PCDH10: variants seen among roughly 807,000 people sequenced by gnomAD.
PCDH10 encodes protocadherin 10.
PCDH10 carries 15 observed loss-of-function variants against 74.4 expected under a neutral mutation model. The ratio of observed to expected loss-of-function variants is 0.20; its 90% CI spans 0.13 to 0.31. The LOEUF (loss-of-function observed/expected upper bound fraction) is 0.31, where lower values mean the gene tolerates loss of function less well. Ranked by LOEUF, PCDH10 falls within the 10% of genes least tolerant of loss-of-function variation. The pLI, the probability that PCDH10 is intolerant of heterozygous loss-of-function variation, is 1.00. For synonymous variants in PCDH10, 619 were observed against 589.8 expected (o/e 1.05, Z -0.72); for missense variants, 1,260 against 1,390.2 (o/e 0.91, Z 1.49).
At chr4:133,188,273 T>C (rs1476746439) in intron 4 of PCDH10, among the ~76,000 whole-genome samples, 2 of 152,170 alleles carry the variant, frequency 1.3e-5, no homozygotes, top group Non-Finnish European at 2.9e-5. Context: ...CCGTAATGAT[T>C]TGCTCTGATT....
At chr4:133,202,081 T>C (rs1727919209) in intron 2 of PCDH10, among the ~76,000 whole-genome samples, 1 of 152,046 alleles carries the variant, frequency 6.6e-6, no homozygotes, top group Non-Finnish European at 1.5e-5. Context: ...TTGTGATAAG[T>C]AGATTGCTAT....
At chr4:133,160,891 A>C (rs1482614244) in intron 3 of PCDH10, among the ~76,000 whole-genome samples, 1 of 151,922 alleles carries the variant, frequency 6.6e-6, no homozygotes, top group Non-Finnish European at 1.5e-5. Flanking sequence ...TCTACTATTA[A>C]AAAAATCTAT....
At chr4:133,183,225 A>G (rs1054907058) in intron 4 of PCDH10, among the ~76,000 whole-genome samples, 2 of 152,222 alleles carry the variant, frequency 1.3e-5, no homozygotes, top group South Asian at 2.1e-4. Flanking sequence ...AACTTCATCT[A>G]TTCTCTTAAT....
At chr4:133,168,289 T>A (rs992726843) in intron 4 of PCDH10, among the ~76,000 whole-genome samples, 3 of 151,442 alleles carry the variant, frequency 2.0e-5, no homozygotes, top group Admixed American at 1.3e-4. Context: ...GTCACTTCTG[T>A]AAGCAATTTT....
Position 133,151,796 on chromosome 4 carries a change from G to A in PCDH10, c.1656G>A (p.Gln552=). 1 of 1,613,094 alleles carries A rather than the reference G, an allele frequency of 6.2e-7. No homozygotes were observed. Among genetic ancestry groups the A allele is most frequent in the Non-Finnish European group, 8.5e-7 (1 of 1,180,056 alleles). Reference sequence around the variant, plus strand: ...AAGCCCGGGACGCTGGCAGCCCCCAGGCGCTGGCTGGTAACGCCACTGTCA... The same window carrying A: ...AAGCCCGGGACGCTGGCAGCCCCCAAGCGCTGGCTGGTAACGCCACTGTCA... ...QVEARDAGSP[Q]ALAGNATVNI... The change falls in exon 1 of 5, where the codon CAG becomes CAA. Residue 552 remains glutamine, a synonymous_variant. Coordinates refer to ENST00000264360, the MANE Select transcript of PCDH10 (RefSeq NM_032961.3).
intron 4 of PCDH10, among the ~76,000 whole-genome samples, chr4:133,174,477 C>G (rs2125867653): frequency 6.6e-6 from 1 of 151,792 alleles, no homozygotes; most frequent in Admixed American, 6.6e-5. Context: ...TACTGAGTGT[C>G]CATTTTATAG....
chr4:133,158,615 A>G (rs1314613446), intron 3 of PCDH10, among the ~76,000 whole-genome samples: 4 of 152,182 alleles, frequency 2.6e-5, no homozygotes, highest in Non-Finnish European at 2.9e-5. Context: ...ATAATTTCAA[A>G]TTAGTAGATA....
intron 4 of PCDH10, among the ~76,000 whole-genome samples, chr4:133,186,188 A>C (rs992883939): frequency 6.6e-6 from 1 of 152,154 alleles, no homozygotes; most frequent in Admixed American, 6.6e-5. Flanking sequence ...AGTTATCAGA[A>C]GGTAGATACT....
chr4:133,153,069 G>T, intron 1 of PCDH10: 2 of 1,359,406 alleles, frequency 1.5e-6, no homozygotes, highest in East Asian at 2.8e-5. Flanking sequence ...AGTAACCTGG[G>T]CATGAAGGGA....
At chr4:133,205,409 A>G (rs1455352240) in intron 2 of PCDH10, among the ~76,000 whole-genome samples, 1 of 152,142 alleles carries the variant, frequency 6.6e-6, no homozygotes, top group African/African-American at 2.4e-5. Flanking sequence ...AACTTTTCAT[A>G]AACACAGGAT....
Position 133,163,048 on chromosome 4 carries a change from T to C in PCDH10, c.2869T>C (p.Ser957Pro). 6.2e-7 allele frequency: 1 copy of C among 1,614,180 alleles called. No homozygotes were observed. The highest frequency in any genetic ancestry group is 8.5e-7 in the Non-Finnish European group (1 of 1,180,012). ...LGHSDRCWMPSFVPSDGRQAA... is the reference protein window; with the variant it reads ...LGHSDRCWMPPFVPSDGRQAA... ...CCACTCAGATCGGTGCTGGATGCCT[T>C]CTTTTGTCCCTTCTGATGGACGCCA... Residue 957 changes from serine to proline, a missense_variant, in exon 4 of 5, where the codon TCT becomes CCT. By Grantham distance (74) the Ser-to-Pro change is moderately conservative. Coordinates refer to ENST00000264360, the MANE Select transcript of PCDH10 (RefSeq NM_032961.3).
At chr4:133,165,629 G>GT (rs202005515) in intron 4 of PCDH10, among the ~76,000 whole-genome samples, 3 of 138,658 alleles carry the variant, frequency 2.2e-5, no homozygotes, top group East Asian at 3.6e-4. Flanking sequence ...AAGTTGTAGA[G>GT]TTTTTTTGCT....
chr4:133,159,617 A>G (rs1448136356), intron 3 of PCDH10, among the ~76,000 whole-genome samples: 1 of 151,984 alleles, frequency 6.6e-6, no homozygotes, highest in Admixed American at 6.6e-5. Context: ...TGGTTACACT[A>G]AAAATCCAGA....
At chr4:133,174,648 G>A (rs987834397) in intron 4 of PCDH10, among the ~76,000 whole-genome samples, 16 of 150,850 alleles carry the variant, frequency 1.1e-4, no homozygotes, top group East Asian at 5.8e-4. Flanking sequence ...ATAAATATAC[G>A]TAATTTTATA....
chr4:133,160,906 C>T (rs1257250051), intron 3 of PCDH10, among the ~76,000 whole-genome samples: 1 of 151,538 alleles, frequency 6.6e-6, no homozygotes, highest in Non-Finnish European at 1.5e-5. Flanking sequence ...ATCTATGTTC[C>T]CCCATCATTC....
intron 4 of PCDH10, among the ~76,000 whole-genome samples, chr4:133,172,426 A>AT (rs572907254): frequency 6.6e-6 from 1 of 151,818 alleles, no homozygotes; most frequent in Non-Finnish European, 1.5e-5. Flanking sequence ...TTATTTTAAG[A>AT]TTTTTTAATC....
At chr4:133,188,497 G>T (rs551100431) in intron 4 of PCDH10, among the ~76,000 whole-genome samples, 1 of 151,928 alleles carries the variant, frequency 6.6e-6, no homozygotes, top group African/African-American at 2.4e-5. Context: ...TTATGACCTG[G>T]TTATAATGAC....
Position 133,193,995 on chromosome 4 carries a change from A to G in PCDH10, c.*3835A>G, listed in dbSNP as rs917412146. On this transcript the variant is annotated 3_prime_UTR_variant, in exon 5 of 5. Transcript: ENST00000264360. ...AACAAACATCCCTCTGCTAAGTCAG[A>G]CAAAATCCTTATACAGTAATTTGTG... 2.0e-5 allele frequency: 3 copies of G among 151,760 alleles called. No individual in the cohort carries two copies. Among genetic ancestry groups the G allele is most frequent in the African/African-American group, 7.2e-5 (3 of 41,416 alleles). The allele number at this position is 151,760 out of a possible 1,614,324, so 9.4% of individuals were successfully genotyped here. A position where few individuals can be genotyped will look rare whatever the true frequency, so the allele number is the denominator to read the frequency against.
intron 3 of PCDH10, among the ~76,000 whole-genome samples, chr4:133,155,301 A>G (rs146051439): frequency 1.1e-3 from 162 of 152,346 alleles, no homozygotes; most frequent in African/African-American, 3.7e-3. Context: ...GACACATTGC[A>G]TACAGAAAGA....
Sources: allele counts gnomAD v4.1 joint callset (sites outside exome capture counted in the v4.1 genomes callset), GRCh38; gene constraint gnomAD v4.1.1; transcripts MANE v1.5; gene names NCBI Gene and HGNC (gene_info 2026-07-23, HGNC 2026-07-21).